Variants in CSMD1 observed in about 807,000 individuals in gnomAD.
CSMD1 encodes CUB and sushi domain-containing protein 1.
In CSMD1, 213 loss-of-function variants were observed where a neutral mutation model predicts 417.5. The ratio of observed to expected loss-of-function variants is 0.51; its 90% confidence interval spans 0.46 to 0.57. CSMD1 has a LOEUF of 0.57. Ranked by LOEUF, CSMD1 falls within the 20% of genes least tolerant of loss-of-function variation. The probability of loss-of-function intolerance (pLI) is 0.00; values close to 1 mark genes in which losing one functional copy is unlikely to be tolerated. For synonymous variants in CSMD1, 2,862 were observed against 1,736.8 expected, an observed-to-expected ratio of 1.65 and a Z score of -16.11; for missense variants, 6,923 against 4,529.7, an observed-to-expected ratio of 1.53 and a Z score of -15.17.
intron 23 of CSMD1, among the ~76,000 whole-genome samples, chr8:3,336,159 T>G (rs1312120742): frequency 7.5e-6 from 1 of 133,570 alleles, no homozygotes; most frequent in Admixed American, 8.0e-5. Flanking sequence ...CCTAAGGCAG[T>G]AGAAAAATAG....
intron 3 of CSMD1, among the ~76,000 whole-genome samples, chr8:4,042,460 TG>T (rs1373160651): frequency 1.3e-5 from 2 of 152,070 alleles, no homozygotes; most frequent in African/African-American, 4.8e-5. Context: ...AAAAATATTT[TG>T]CAATATCACA....
At chr8:3,125,511 TAAAG>T (rs1334631032) in intron 41 of CSMD1, among the ~76,000 whole-genome samples, 2 of 152,232 alleles carry the variant, frequency 1.3e-5, no homozygotes, top group African/African-American at 4.8e-5. Flanking sequence ...TGGAATTTGA[TAAAG>T]AAGTTACCTT....
intron 5 of CSMD1, among the ~76,000 whole-genome samples, chr8:3,762,707 G>T (rs11136661): frequency 2.0e-5 from 3 of 152,092 alleles, no homozygotes; most frequent in Non-Finnish European, 2.9e-5. Context: ...AAAGCTGTCC[G>T]TCTGCAAAGA....
chr8:3,905,502 T>G (rs1808052885), intron 5 of CSMD1, among the ~76,000 whole-genome samples: 1 of 152,230 alleles, frequency 6.6e-6, no homozygotes, highest in Non-Finnish European at 1.5e-5. Flanking sequence ...AAGATCTCTG[T>G]GCACCTGCTA....
chr8:3,055,735 C>G (rs1043530816), intron 49 of CSMD1, among the ~76,000 whole-genome samples: 1 of 152,124 alleles, frequency 6.6e-6, no homozygotes, highest in African/African-American at 2.4e-5. Context: ...ATTATATGTC[C>G]CAGCAGCTTA....
chr8:3,029,405 G>A lies in CSMD1; in HGVS notation c.7769C>T (p.Pro2590Leu). ...YGAQVLLSCS[P>L]GYYLEGWRLL... The stretch of plus-strand genomic sequence containing the variant: ...CCTCCAGCCTTCTAAGTAGTAACCA[G>A]GACTGCAGCTCAGCAATACTTGAGC... Residue 2590 changes from proline to leucine, a missense_variant, in exon 51 of 70, where the codon CCT (proline) becomes CTT (leucine). Physicochemically the swap from Pro to Leu is moderately conservative, Grantham distance 98. Transcript: ENST00000635120. 1 of 1,611,840 alleles carries A rather than the reference G, an allele frequency of 6.2e-7. No individual in the cohort carries two copies.
intron 5 of CSMD1, among the ~76,000 whole-genome samples, chr8:3,925,617 G>T (rs541627939): frequency 6.6e-6 from 1 of 152,098 alleles, no homozygotes; most frequent in African/African-American, 2.4e-5. Context: ...TCGCAACAGT[G>T]AATAAGTCTC....
At position 4,930,998 on chromosome 8, in the gene CSMD1, A is replaced by T. The variant is rs574758861; in HGVS notation, c.85+63334T>A. Among the ~76,000 whole-genome samples the T allele has an allele frequency of 5.9e-5, 9 of 152,310 alleles. No homozygotes were observed. The South Asian group carries it at 1.9e-3, about 32-fold the overall frequency. On this transcript the variant is annotated intron_variant, in intron 1 of 69. Transcript: ENST00000635120. ...AAAAATAAAAACAGTAAGACAATAT[A>T]TGTATTATCAATGGGAGACATGAGA...
intron 1 of CSMD1, among the ~76,000 whole-genome samples, chr8:4,892,615 C>T (rs778144277): frequency 1.6e-4 from 25 of 152,140 alleles, no homozygotes; most frequent in African/African-American, 5.5e-4. Flanking sequence ...TAAAAGTAGT[C>T]TTTCCTTAGA....
At chr8:4,152,124 G>C (rs148031798) in intron 3 of CSMD1, among the ~76,000 whole-genome samples, 12 of 152,182 alleles carry the variant, frequency 7.9e-5, no homozygotes, top group African/African-American at 2.7e-4. Flanking sequence ...AAATTGTATA[G>C]AAAAATATCA....
In CSMD1 at chr8:4,009,810, C is replaced by G. The variant is rs113601804; in HGVS notation, c.611-11700G>C. On this transcript the variant is annotated intron_variant, in intron 4 of 69. Transcript: ENST00000635120. ...GACCATTCCTGCTCCATCCCCCTCC[C>G]TCCTGTTCTCAGAGAGTCAACCCCA... Among the ~76,000 whole-genome samples the G allele has an allele frequency of 3.5e-3, 534 of 152,210 alleles. 3 individuals are homozygous for G. The highest frequency in any genetic ancestry group is 0.012 in the African/African-American group (489 of 41,518).
chr8:2,980,891 G>C (rs1377992284), intron 54 of CSMD1, among the ~76,000 whole-genome samples: 1 of 152,090 alleles, frequency 6.6e-6, no homozygotes, highest in Non-Finnish European at 1.5e-5. Context: ...AAAATATTTT[G>C]AGCAGTAAAA....
intron 5 of CSMD1, among the ~76,000 whole-genome samples, chr8:3,946,858 A>T (rs914710278): frequency 8.5e-5 from 13 of 152,102 alleles, no homozygotes; most frequent in African/African-American, 3.1e-4. Flanking sequence ...TTTGTTTTGA[A>T]ATTGCTCATT....
At chr8:4,247,255 C>G (rs908065651) in intron 3 of CSMD1, among the ~76,000 whole-genome samples, 1 of 152,284 alleles carries the variant, frequency 6.6e-6, no homozygotes, top group Admixed American at 6.5e-5. Context: ...CTATTGAGTA[C>G]AATGACCAAA....
chr8:3,093,264 C>A (rs1815070968), intron 47 of CSMD1, among the ~76,000 whole-genome samples: 1 of 152,126 alleles, frequency 6.6e-6, no homozygotes, highest in Admixed American at 6.6e-5. Flanking sequence ...CACAGGCACG[C>A]CCTGAGTGGG....
At chr8:3,246,675 T>TTGGCCATGC (rs1184282977) in intron 26 of CSMD1, among the ~76,000 whole-genome samples, 6 of 152,204 alleles carry the variant, frequency 3.9e-5, no homozygotes, top group Non-Finnish European at 7.3e-5. Context: ...TTTTGCCATG[T>TTGGCCATGC]TGGCCATGCT....
chr8:4,334,225 T>A (rs919871408), intron 3 of CSMD1, among the ~76,000 whole-genome samples: 7 of 152,082 alleles, frequency 4.6e-5, no homozygotes, highest in African/African-American at 1.4e-4. Context: ...TCTGTTTGTA[T>A]CATCCAATAA....
intron 3 of CSMD1, among the ~76,000 whole-genome samples, chr8:4,276,000 G>A (rs545510445): frequency 6.6e-6 from 1 of 152,292 alleles, no homozygotes; most frequent in South Asian, 2.1e-4. Flanking sequence ...TGGAGAAATA[G>A]GAATGCTTTT....
At chr8:3,406,599 G>A (rs1349019356) in intron 14 of CSMD1, among the ~76,000 whole-genome samples, 2 of 152,050 alleles carry the variant, frequency 1.3e-5, no homozygotes, top group Admixed American at 1.3e-4. Flanking sequence ...CTGACATTGG[G>A]CATATGACTC....
Sources: allele counts gnomAD v4.1 joint callset (sites outside exome capture counted in the v4.1 genomes callset), GRCh38; gene constraint gnomAD v4.1.1; transcripts MANE v1.5; gene names NCBI Gene and HGNC (gene_info 2026-07-23, HGNC 2026-07-21).